Variants in MICU3 observed in about 807,000 individuals in gnomAD.
MICU3 encodes the protein calcium uptake protein 3, mitochondrial.
Under a neutral mutation model 66.5 loss-of-function variants are expected in MICU3, and 62 were observed. The ratio of observed to expected loss-of-function variants is 0.93; its 90% CI spans 0.76 to 1.15. MICU3 has a LOEUF of 1.15. Ranked by LOEUF, MICU3 falls within the 50% of genes most tolerant of loss-of-function variation. The probability of loss-of-function intolerance (pLI) is 0.00; values close to 1 mark genes in which losing one functional copy is unlikely to be tolerated. For missense variants in MICU3, 779 were observed against 664.4 expected (o/e 1.17, Z -1.90); for synonymous variants, 308 against 240.7 (o/e 1.28, Z -2.59).
intron 1 of MICU3, among the ~76,000 whole-genome samples, chr8:17,035,624 A>G (rs1585161988): frequency 6.6e-6 from 1 of 152,234 alleles, no homozygotes; most frequent in Admixed American, 6.5e-5. Flanking sequence ...AATTTTGGCT[A>G]TCTGTTGGAA....
chr8:17,039,105 G>C (rs1011691136), intron 1 of MICU3, among the ~76,000 whole-genome samples: 1 of 152,090 alleles, frequency 6.6e-6, no homozygotes, highest in Non-Finnish European at 1.5e-5. Context: ...TTTGCTGAAG[G>C]CTCAGATGAT....
At chr8:17,090,628 C>G in intron 8 of MICU3, 44 bp downstream of exon 8, 1 of 1,391,412 alleles carries the variant, frequency 7.2e-7, no homozygotes, top group Non-Finnish European at 9.9e-7. Context: ...ATAGCCCTCA[C>G]CTGTTATACT....
At position 17,070,740 on chromosome 8, in the gene MICU3, T is replaced by C. The variant is rs137931879; in HGVS notation, c.567+1021T>C. Reference sequence around the variant, plus strand: ...CTACAGCAAATGTCATGGTCATTTGTGAAACTTGAGAGACATTGTCTTTAA... The same window carrying C: ...CTACAGCAAATGTCATGGTCATTTGCGAAACTTGAGAGACATTGTCTTTAA... On this transcript the variant is annotated intron_variant, in intron 3 of 14. Transcript: ENST00000318063. Among the ~76,000 whole-genome samples the C allele has an allele frequency of 4.7e-3, 722 of 152,170 alleles. 9 individuals carry two copies. Among genetic ancestry groups the C allele is most frequent in the African/African-American group, 0.016 (667 of 41,522 alleles).
At chr8:17,079,842 C>T (rs898604277) in intron 4 of MICU3, among the ~76,000 whole-genome samples, 1 of 151,898 alleles carries the variant, frequency 6.6e-6, no homozygotes, top group Non-Finnish European at 1.5e-5. Context: ...AATATTACCT[C>T]GAGAGAAAAT....
intron 1 of MICU3, among the ~76,000 whole-genome samples, chr8:17,031,085 G>T (rs1313370876): frequency 1.3e-5 from 2 of 151,936 alleles, no homozygotes; most frequent in East Asian, 3.9e-4. Flanking sequence ...TATTTTAGTG[G>T]CATGTGCTTG....
At chr8:17,077,985 C>T (rs545296363) in intron 4 of MICU3, 124 bp downstream of exon 4, 2 of 489,046 alleles carry the variant, frequency 4.1e-6, no homozygotes, top group South Asian at 1.0e-4. Flanking sequence ...AGAGAAAAAA[C>T]TGAAGAAGAA....
chr8:17,117,843 C>T (rs745836897), intron 13 of MICU3, among the ~76,000 whole-genome samples: 10 of 152,194 alleles, frequency 6.6e-5, no homozygotes, highest in Non-Finnish European at 1.5e-4. Flanking sequence ...CTCCTGACCT[C>T]AAGTAATCCT....
rs749330695 is a variant in MICU3 at position 17,105,448 on chromosome 8, T to C, written c.1121T>C (p.Ile374Thr). The C allele has an allele frequency of 6.4e-6, 10 of 1,567,090 alleles. No homozygotes were observed. Among genetic ancestry groups the C allele is most frequent in the African/African-American group, 1.4e-5 (1 of 72,408 alleles). Residue 374 changes from isoleucine (I) to threonine (T), a missense_variant, in exon 11 of 15, where the codon ATA becomes ACA. Transcript: ENST00000318063. ...AATCTCCAAACAGAAGTTCTAGAAA[T>C]AGAATTCCTTTCCTACTCAAATGGA... is the stretch of plus-strand genomic sequence containing the variant. ...MDNLQTEVLE[I>T]EFLSYSNGMN...
chr8:17,114,038 G>GGTC, intron 11 of MICU3, 55 bp from the exon 12 acceptor site: 1 of 1,163,072 alleles, frequency 8.6e-7, no homozygotes, highest in Non-Finnish European at 1.3e-6. Flanking sequence ...TGTAGATCCT[G>GGTC]ATTTTAATAA....
At chr8:17,095,999 C>T (rs1292143766) in intron 8 of MICU3, among the ~76,000 whole-genome samples, 4 of 151,942 alleles carry the variant, frequency 2.6e-5, no homozygotes, top group Non-Finnish European at 4.4e-5. Flanking sequence ...TTTGGCTGTG[C>T]CTTTCACTTG....
intron 1 of MICU3, among the ~76,000 whole-genome samples, chr8:17,030,742 A>T (rs531155669): frequency 2.0e-5 from 3 of 152,142 alleles, no homozygotes; most frequent in Non-Finnish European, 4.4e-5. Context: ...TTTTAGCCCA[A>T]CTACTTACTC....
chr8:17,124,860 T>A (rs935764546), downstream of MICU3, among the ~76,000 whole-genome samples: 1 of 152,122 alleles, frequency 6.6e-6, no homozygotes, highest in African/African-American at 2.4e-5. Flanking sequence ...TGCTATATTC[T>A]GATCCATTAC....
At chr8:17,094,101 A>G (rs1800393799) in intron 8 of MICU3, among the ~76,000 whole-genome samples, 1 of 151,988 alleles carries the variant, frequency 6.6e-6, no homozygotes. Context: ...CTACTTATGC[A>G]TCCTAAACAG....
chr8:17,043,963 T>C (rs931273821), intron 1 of MICU3, among the ~76,000 whole-genome samples: 1 of 152,242 alleles, frequency 6.6e-6, no homozygotes, highest in Admixed American at 6.5e-5. Context: ...ATCCCACATA[T>C]ATGTCACCAA....
At chr8:17,049,658 T>C (rs1251239776) in intron 1 of MICU3, 3 of 516,860 alleles carry the variant, frequency 5.8e-6, no homozygotes, top group African/African-American at 1.9e-5. Context: ...TTCATTCCAA[T>C]ATAACAAGTT....
At chr8:17,137,598 T>C in the MICU3 span, among the ~76,000 whole-genome samples, 1 of 151,364 alleles carries the variant, frequency 6.6e-6, no homozygotes, top group East Asian at 1.9e-4. Context: ...CATCTTTTCT[T>C]GGGATATGGA....
chr8:17,138,044 G>A, the MICU3 span, among the ~76,000 whole-genome samples: 15 of 152,002 alleles, frequency 9.9e-5, no homozygotes, highest in Non-Finnish European at 2.1e-4. Flanking sequence ...ACATGGAAGT[G>A]GATTTTGATT....
intron 1 of MICU3, among the ~76,000 whole-genome samples, chr8:17,038,813 C>T (rs1358974583): frequency 2.6e-5 from 4 of 151,970 alleles, no homozygotes; most frequent in Admixed American, 2.0e-4. Flanking sequence ...ATTAGCCAGG[C>T]GTGGTGGCAG....
At chr8:17,124,979 G>C (rs150638990), downstream of MICU3, among the ~76,000 whole-genome samples, 2 of 151,796 alleles carry the variant, frequency 1.3e-5, no homozygotes, top group Non-Finnish European at 2.9e-5. Context: ...TGTTTGTGCT[G>C]AGCACTCAAC....
Sources: allele counts gnomAD v4.1 joint callset (sites outside exome capture counted in the v4.1 genomes callset), GRCh38; gene constraint gnomAD v4.1.1; transcripts MANE v1.5; gene names NCBI Gene and HGNC (gene_info 2026-07-23, HGNC 2026-07-21).